The following CDH16 variants were observed in gnomAD, a reference collection of about 807,000 sequenced individuals.
CDH16 encodes cadherin-16.
A neutral mutation model predicts 87.6 loss-of-function variants in CDH16; 79 were observed. The observed-to-expected ratio is 0.90, with a 90% CI of 0.75 to 1.09. CDH16 has a LOEUF of 1.09. Ranked by LOEUF, CDH16 falls within the 50% of genes least tolerant of loss-of-function variation. The pLI is 0.00. For missense variants in CDH16, 1,124 were observed against 1,071.7 expected (o/e 1.05, Z -0.68); for synonymous variants, 457 against 439.5 (o/e 1.04, Z -0.50).
rs776248152 is a variant in CDH16, at chr16:66,913,545, AT to A, written c.848del (p.Asn283MetfsTer8). 6.2e-7 allele frequency: 1 copy of A among 1,614,076 alleles called. No individual in the cohort carries two copies. Among genetic ancestry groups the A allele is most frequent in the Non-Finnish European group, 8.5e-7 (1 of 1,179,980 alleles). The part of the protein sequence containing the change: ...ESHPPGPFEV[N>X]AEGNLYVTRE... ...TGGTCACGTAGAGGTTTCCCTCTGCATTCACTTCAAAGGGTCCCGGGGGATG... is the reference window on the plus strand; with the variant it reads ...TGGTCACGTAGAGGTTTCCCTCTGCATCACTTCAAAGGGTCCCGGGGGATG... On this transcript the variant is annotated frameshift_variant, in exon 8 of 18. Transcript: ENST00000299752. LOFTEE classifies it high-confidence loss of function.
In CDH16 at chr16:66,917,715, T is replaced by A. The variant is rs372440647; in HGVS notation, c.56A>T (p.Lys19Met). 15 of 1,611,414 alleles carry A rather than the reference T, an allele frequency of 9.3e-6. No homozygotes were observed. The highest frequency in any genetic ancestry group is 1.2e-5 in the Non-Finnish European group (14 of 1,178,800). Residue 19 changes from lysine to methionine, a missense_variant, in exon 3 of 18, where the codon AAG becomes ATG. Transcript: ENST00000299752. ...LCVSVPQALP[K>M]AQPAELSVEV... is the part of the protein sequence containing the mutation. ...CACAGACAGCTCTGCAGGCTGGGCC[T>A]TGGGGAGAGCCTGTGGGAGGATTCT...
rs1962698460 is a variant in CDH16, at chr16:66,916,682, TTAATC to T, written c.130-258_130-254del. On this transcript the variant is annotated intron_variant, in intron 3 of 17. Coordinates refer to ENST00000299752, the MANE Select transcript of CDH16 (RefSeq NM_004062.4). This position sits in a 1 kb window ranked among gnomAD's most constrained non-coding sequence, Gnocchi z 4.1. ...AACCTCACCACCGAGATTTCGTTCT[TTAATC>T]TAAAGCTCTGCTCTCCACTAGGATT... is the stretch of plus-strand genomic sequence containing the variant. 6.6e-6 allele frequency among the ~76,000 whole-genome samples: 1 copy of T among 152,190 alleles called. No individual in the cohort carries two copies. The highest frequency in any genetic ancestry group is 2.4e-5 in the African/African-American group (1 of 41,460).
chr16:66,918,067 G>A lies in CDH16; in HGVS notation c.-2C>T. 1.3e-6 allele frequency: 2 copies of A among 1,581,708 alleles called. No individual in the cohort carries two copies. Among genetic ancestry groups the A allele is most frequent in the Non-Finnish European group, 8.6e-7 (1 of 1,163,530 alleles). On this transcript the variant is annotated 5_prime_UTR_variant, in exon 2 of 18. Transcript: ENST00000299752. ...CAGCCACAGCCAGGCAGGGACCATG[G>A]TCAGGACAGGCCTGAGGGACACGGC...
intron 13 of CDH16, among the ~76,000 whole-genome samples, chr16:66,911,615 C>A (rs1962418856): frequency 6.6e-6 from 1 of 152,218 alleles, no homozygotes; most frequent in Admixed American, 6.5e-5. Flanking sequence ...CTATGAACAA[C>A]CTTGTCTGTC....
rs377681344 is a variant in CDH16, at chr16:66,913,235, G to T, written c.950C>A (p.Ala317Glu). The change falls in exon 9 of 18, where the codon GCG becomes GAG. Residue 317 changes from alanine to glutamate, a missense_variant. By Grantham distance (107) the Ala-to-Glu change is moderately radical. Transcript: ENST00000299752. ...CAGCACGTGCAGCTCCAGAGGGGCCGCATAGTCCTCGCCATGGGAATTCTG... is the reference window on the plus strand; with the variant it reads ...CAGCACGTGCAGCTCCAGAGGGGCCTCATAGTCCTCGCCATGGGAATTCTG... ...RAQNSHGEDY[A>E]APLELHVLVM... 1 of 1,580,704 alleles carries T rather than the reference G, an allele frequency of 6.3e-7. No individual in the cohort carries two copies. Among genetic ancestry groups the T allele is most frequent in the Non-Finnish European group, 8.6e-7 (1 of 1,163,590 alleles).
At position 66,916,426 on chromosome 16, in the gene CDH16, G is replaced by A; in HGVS notation, c.133C>T (p.Pro45Ser). ...GNFPLYLTKL[P>S]LPREGAEGQI... Reference sequence around the variant, plus strand: ...CCTTCAGCCCCCTCACGGGGCAGCGGCAACTGATGGAAATGAACAGAAGTG... The same window carrying A: ...CCTTCAGCCCCCTCACGGGGCAGCGACAACTGATGGAAATGAACAGAAGTG... The change falls in exon 4 of 18, where the codon CCG becomes TCG. Residue 45 changes from proline to serine, a missense_variant. Pro to Ser is a moderately conservative substitution (Grantham distance 74). Transcript: ENST00000299752. The surrounding 1 kb of genome is among the most constrained non-coding windows in gnomAD (Gnocchi z 4.1). 6.3e-7 allele frequency: 1 copy of A among 1,596,864 alleles called. No individual in the cohort carries two copies. The highest frequency in any genetic ancestry group is 8.5e-7 in the Non-Finnish European group (1 of 1,169,774).
Position 66,908,326 on chromosome 16 carries a change from G to A in CDH16, c.*66C>T. 1 of 1,316,296 alleles carries A rather than the reference G, an allele frequency of 7.6e-7. No homozygotes were observed. The highest frequency in any genetic ancestry group is 1.2e-5 in the South Asian group (1 of 85,278). 81.5% of individuals were successfully genotyped at this position (1,316,296 alleles called of 1,614,324 possible). ...GTCCCCTGCTGGATCTTGGGTGCTG[G>A]GCTCTCTCCCAGGGGACTCAGATGG... On this transcript the variant is annotated 3_prime_UTR_variant, in exon 18 of 18. Coordinates refer to ENST00000299752, the MANE Select transcript of CDH16 (RefSeq NM_004062.4).
At chr16:66,912,945 C>T in intron 9 of CDH16, 54 bp from the exon 10 acceptor site, 3 of 1,511,582 alleles carry the variant, frequency 2.0e-6, no homozygotes, top group Non-Finnish European at 2.7e-6. Flanking sequence ...GGAGACCTTA[C>T]CCCACCCACT....
rs768804423 is a variant in CDH16 at position 66,912,315 on chromosome 16, C to T, written c.1475G>A (p.Arg492Lys). The change falls in exon 12 of 18, where the codon AGG (arginine) becomes AAG (lysine). Residue 492 changes from arginine to lysine, a missense_variant. Physicochemically the swap from Arg to Lys is conservative, Grantham distance 26. Coordinates refer to ENST00000299752, the MANE Select transcript of CDH16 (RefSeq NM_004062.4). The stretch of plus-strand genomic sequence containing the variant: ...GCCAAAAGTCCCTTCTGTGTCTCCC[C>T]TCTCAATGGCAAAATCCATGAGGCG... ...AFRLMDFAIE[R>K]GDTEGTFGLD... is the part of the protein sequence containing the mutation. The T allele has an allele frequency of 1.1e-5, 17 of 1,614,084 alleles. No individual in the cohort carries two copies. Among genetic ancestry groups the T allele is most frequent in the Admixed American group, 1.7e-5 (1 of 60,006 alleles).
Position 66,908,416 on chromosome 16 carries a change from G to T in CDH16, c.2466C>A (p.Ser822Arg). Reference protein sequence around the residue: ...RKKDPDQPADSVPLKATV With the variant: ...RKKDPDQPADRVPLKATV ...TTCAGACAGTCGCCTTCAGGGGCAC[G>T]CTGTCTGCTGGTTGATCCGGGTCCT... is the stretch of plus-strand genomic sequence containing the variant. The change falls in exon 18 of 18, where the codon AGC becomes AGA. Residue 822 changes from serine to arginine, a missense_variant. Physicochemically the swap from Ser to Arg is moderately radical, Grantham distance 110 (BLOSUM62 -1). Coordinates refer to ENST00000299752, the MANE Select transcript of CDH16 (RefSeq NM_004062.4). 1.9e-6 allele frequency: 3 copies of T among 1,613,964 alleles called. No homozygotes were observed. The highest frequency in any genetic ancestry group is 2.5e-6 in the Non-Finnish European group (3 of 1,179,966).
chr16:66,918,012 C>T lies in CDH16; in HGVS notation c.45+9G>A, dbSNP rs1401475068. On this transcript the variant is annotated intron_variant, in intron 2 of 17. Transcript: ENST00000299752. ...AGACCTGAAGGAGAGGGGGCAGGGC[C>T]TAGCTCACCTGGGGGACGGAGACAC... 1.3e-6 allele frequency: 2 copies of T among 1,574,138 alleles called. No homozygotes were observed. The highest frequency in any genetic ancestry group is 2.3e-5 in the South Asian group (2 of 85,348).
chr16:66,914,460 GC>G, intron 6 of CDH16, 48 bp from the exon 7 acceptor site: 2 of 1,409,308 alleles, frequency 1.4e-6, no homozygotes, highest in Non-Finnish European at 2.0e-6. Flanking sequence ...GGGAGCAGGG[GC>G]CAGGGCATCA....
At position 66,912,751 on chromosome 16, in the gene CDH16, T is replaced by C. The variant is rs2145456914; in HGVS notation, c.1195A>G (p.Ser399Gly). Reference sequence around the variant, plus strand: ...AGTGGGAGCACCCCCAGCGTCACACTGCCTGAAGTGGGGTCCACCTGGAAG... The same window carrying C: ...AGTGGGAGCACCCCCAGCGTCACACCGCCTGAAGTGGGGTCCACCTGGAAG... ...RAFQVDPTSG[S>G]VTLGVLPLRA... The change falls in exon 10 of 18, where the codon AGT becomes GGT. Residue 399 changes from serine to glycine, a missense_variant. Coordinates refer to ENST00000299752, the MANE Select transcript of CDH16 (RefSeq NM_004062.4). 2 of 1,613,700 alleles carry C rather than the reference T, an allele frequency of 1.2e-6. No homozygotes were observed. Among genetic ancestry groups the C allele is most frequent in the Non-Finnish European group, 1.7e-6 (2 of 1,179,994 alleles).
In CDH16 at chr16:66,911,163, C is replaced by T. The variant is rs922237350; in HGVS notation, c.1924+19G>A. 92 of 1,598,654 alleles carry T rather than the reference C, an allele frequency of 5.8e-5. No individual in the cohort carries two copies. The highest frequency in any genetic ancestry group is 7.6e-5 in the Non-Finnish European group (89 of 1,171,132). On this transcript the variant is annotated intron_variant, in intron 14 of 17. Transcript: ENST00000299752. ...GTTTGTACCCCCTCCCAGGGGCTCC[C>T]ATCACTGCCTGGCCATACCTGTATC...
At position 66,915,332 on chromosome 16, in the gene CDH16, G is replaced by A; in HGVS notation, c.471C>T (p.Gly157=). ...GGAATCGAAGATCCGAGTTGGCTGT[G>A]CCTGGCTCATCCCGGTCTGAAGCCT... ...FLEASDRDEP[G]TANSDLRFHI... The change falls in exon 6 of 18, where the codon GGC becomes GGT. Residue 157 remains glycine, a synonymous_variant. Transcript: ENST00000299752. The A allele has an allele frequency of 6.2e-7, 1 of 1,614,038 alleles. No individual in the cohort carries two copies. Among genetic ancestry groups the A allele is most frequent in the Non-Finnish European group, 8.5e-7 (1 of 1,179,984 alleles).
chr16:66,910,772 C>G (rs967557795), intron 14 of CDH16: 2 of 400,218 alleles, frequency 5.0e-6, no homozygotes, highest in Non-Finnish European at 8.8e-6. Context: ...AGGGCCAGCT[C>G]TCTGTCCTGA....
intron 14 of CDH16, chr16:66,910,901 T>C (rs1962384052): frequency 4.7e-6 from 2 of 424,782 alleles, no homozygotes; most frequent in Non-Finnish European, 8.4e-6. Context: ...TCCCTGAAGC[T>C]GACACCCTGA....
rs1157118033 is a variant in CDH16 at position 66,909,809 on chromosome 16, T to C, written c.2275+177A>G. ...AGACTCTGTCTCAAAAAAAAATGTA[T>C]GTGCCTCTGTGCCTGTTCCTGTGTG... On this transcript the variant is annotated intron_variant, in intron 16 of 17. Coordinates refer to ENST00000299752, the MANE Select transcript of CDH16 (RefSeq NM_004062.4). The surrounding 1 kb of genome is among the most constrained non-coding windows in gnomAD (Gnocchi z 4.1). Among the ~76,000 whole-genome samples, 1 of 152,088 alleles carries C rather than the reference T, an allele frequency of 6.6e-6. No individual in the cohort carries two copies. The highest frequency in any genetic ancestry group is 2.4e-5 in the African/African-American group (1 of 41,400).
In CDH16 at chr16:66,912,901, C is replaced by A; in HGVS notation, c.1055-10G>T. On this transcript the variant is annotated splice_polypyrimidine_tract_variant and intron_variant, in intron 9 of 17. Coordinates refer to ENST00000299752, the MANE Select transcript of CDH16 (RefSeq NM_004062.4). ...CTAGTCACTTCAGTACCTGCCAAGA[C>A]AGCACCCGCCTGGATAGGACCACAG... is the stretch of plus-strand genomic sequence containing the variant. 1 of 1,605,198 alleles carries A rather than the reference C, an allele frequency of 6.2e-7. No homozygotes were observed. Among genetic ancestry groups the A allele is most frequent in the Non-Finnish European group, 8.5e-7 (1 of 1,176,818 alleles).
Sources: gnomAD v4.1 joint callset for allele counts (sites outside exome capture counted in the v4.1 genomes callset) on GRCh38, gnomAD v4.1.1 for gene constraint, Gnocchi (gnomAD v3.1) non-coding constraint, MANE v1.5 for transcripts, NCBI Gene and HGNC (gene_info 2026-07-23, HGNC 2026-07-21) for gene names.